INO80D: variants seen among roughly 807,000 people sequenced by gnomAD.
INO80D encodes INO80 complex subunit D.
In INO80D, 21 loss-of-function variants were observed where a neutral mutation model predicts 87.6. The ratio of observed to expected loss-of-function variants is 0.24; its 90% CI spans 0.17 to 0.35. The LOEUF is 0.35. INO80D is among the 10% of genes least tolerant of loss of function. The pLI, the probability that INO80D is intolerant of heterozygous loss-of-function variation, is 1.00. For missense variants in INO80D, 982 were observed against 1,280.7 expected (o/e 0.77, Z 3.56); for synonymous variants, 440 against 491.0 (o/e 0.90, Z 1.37).
At position 205,997,225 on chromosome 2, in the gene INO80D, A is replaced by C. The variant is rs1687824622; in HGVS notation, c.*7143T>G. ...ATAGCAAAATAACAACTTAAAACTCAAAATAAAGGGATGTATTTTTTTTTA... is the reference window on the plus strand; with the variant it reads ...ATAGCAAAATAACAACTTAAAACTCCAAATAAAGGGATGTATTTTTTTTTA... On this transcript the variant is annotated 3_prime_UTR_variant, in exon 11 of 11. Transcript: ENST00000403263. 6.6e-6 allele frequency: 1 copy of C among 152,118 alleles called. No homozygotes were observed. Among genetic ancestry groups the C allele is most frequent in the African/African-American group, 2.4e-5 (1 of 41,450 alleles). 9.4% of individuals were successfully genotyped at this position (152,118 alleles called of 1,614,324 possible).
chr2:206,083,860 CAA>C (rs35840816), intron 1 of INO80D, among the ~76,000 whole-genome samples: 38 of 99,552 alleles, frequency 3.8e-4, no homozygotes, highest in Non-Finnish European at 4.8e-4. Flanking sequence ...CTAAGCTCAC[CAA>C]AAAAAAAAAA....
chr2:206,027,566 T>C (rs1284899029), intron 6 of INO80D, among the ~76,000 whole-genome samples: 1 of 152,068 alleles, frequency 6.6e-6, no homozygotes, highest in Non-Finnish European at 1.5e-5. Context: ...TAGCTGGGTA[T>C]GGTTTCACAT....
At chr2:206,031,263 G>T (rs367820692) in intron 5 of INO80D, among the ~76,000 whole-genome samples, 10 of 117,600 alleles carry the variant, frequency 8.5e-5, no homozygotes, top group African/African-American at 3.2e-4. Flanking sequence ...CGAAAAAAAA[G>T]AAAAAAAAAA....
chr2:206,003,617 C>A lies in INO80D; in HGVS notation c.*751G>T. The A allele has an allele frequency of 6.6e-6, 1 of 152,378 alleles. No individual in the cohort carries two copies. The allele number at this position is 152,378 out of a possible 1,614,324, so 9.4% of individuals were successfully genotyped here. A position where few individuals can be genotyped will look rare whatever the true frequency, so the allele number is the denominator to read the frequency against. On this transcript the variant is annotated 3_prime_UTR_variant, in exon 11 of 11. Coordinates refer to ENST00000403263, the MANE Select transcript of INO80D (RefSeq NM_017759.5). Reference sequence around the variant, plus strand: ...GCTACTCACACGACCAGTCCACCACCCTCCCTATTCAGGAAACTTGAGGAA... The same window carrying A: ...GCTACTCACACGACCAGTCCACCACACTCCCTATTCAGGAAACTTGAGGAA...
intron 5 of INO80D, among the ~76,000 whole-genome samples, chr2:206,030,743 G>T (rs1050513777): frequency 6.6e-6 from 1 of 152,148 alleles, no homozygotes; most frequent in Non-Finnish European, 1.5e-5. Context: ...CAGAAGACTT[G>T]TAATTTTTTA....
At chr2:206,076,051 C>CA (rs11288087) in intron 1 of INO80D, among the ~76,000 whole-genome samples, 1,591 of 106,126 alleles carry the variant, frequency 0.015, 15 homozygotes, top group Middle Eastern at 0.051. Flanking sequence ...GACTCCCTCT[C>CA]AAAAAAAAAA....
rs764523407 is a variant in INO80D, at chr2:206,056,285, G to C, written c.877C>G (p.His293Asp). The change falls in exon 4 of 11, where the codon CAC becomes GAC. Residue 293 changes from histidine (H) to aspartate (D), a missense_variant. By Grantham distance (81) the His-to-Asp change is moderately conservative (BLOSUM62 -1). Transcript: ENST00000403263. Reference sequence around the variant, plus strand: ...TGCAGTCGGCTTATACATGAGAAGTGTGGAGAGAAGGCTGTGGCTTTCATG... The same window carrying C: ...TGCAGTCGGCTTATACATGAGAAGTCTGGAGAGAAGGCTGTGGCTTTCATG... Reference protein sequence around the residue: ...ILMKATAFSPHFSCISRLQRL... With the variant: ...ILMKATAFSPDFSCISRLQRL... 6.2e-7 allele frequency: 1 copy of C among 1,613,888 alleles called. No individual in the cohort carries two copies. The highest frequency in any genetic ancestry group is 1.3e-5 in the African/African-American group (1 of 74,944).
At chr2:206,056,112 G>T in intron 4 of INO80D, 86 bp downstream of exon 4, 1 of 1,322,512 alleles carries the variant, frequency 7.6e-7, no homozygotes, top group Non-Finnish European at 1.0e-6. Context: ...CATCACATAT[G>T]GGGTAATTAT....
chr2:206,008,069 C>T (rs944832832), intron 9 of INO80D: 1 of 152,586 alleles, frequency 6.6e-6, no homozygotes, highest in African/African-American at 2.4e-5. Flanking sequence ...GCAACCTCCA[C>T]CTCCTGAGTT....
chr2:206,031,841 G>A (rs1282010378), intron 5 of INO80D, among the ~76,000 whole-genome samples: 8 of 152,204 alleles, frequency 5.3e-5, no homozygotes, highest in Non-Finnish European at 1.0e-4. Flanking sequence ...GCAGGATCCG[G>A]AGACACTCCA....
intron 1 of INO80D, among the ~76,000 whole-genome samples, chr2:206,076,114 G>A (rs144275400): frequency 1.1e-3 from 167 of 148,240 alleles, no homozygotes; most frequent in African/African-American, 4.0e-3. Flanking sequence ...AATACCAGAA[G>A]GTTGGGAGGC....
intron 5 of INO80D, among the ~76,000 whole-genome samples, chr2:206,045,015 A>C (rs1394061643): frequency 6.6e-6 from 1 of 152,214 alleles, no homozygotes; most frequent in African/African-American, 2.4e-5. Flanking sequence ...TAAGAAAAAA[A>C]GGTATAACAT....
At chr2:206,033,758 T>C (rs751819296) in intron 5 of INO80D, among the ~76,000 whole-genome samples, 3 of 151,818 alleles carry the variant, frequency 2.0e-5, no homozygotes, top group Non-Finnish European at 4.4e-5. Context: ...CTAAATGAAA[T>C]TGAAACAAAC....
intron 1 of INO80D, among the ~76,000 whole-genome samples, chr2:206,069,857 C>CT (rs923282353): frequency 1.3e-5 from 2 of 151,960 alleles, no homozygotes; most frequent in Non-Finnish European, 2.9e-5. Context: ...CAAAATGATG[C>CT]TTTTTTTTAA....
At chr2:206,026,841 G>C (rs917575329) in intron 6 of INO80D, among the ~76,000 whole-genome samples, 1 of 151,796 alleles carries the variant, frequency 6.6e-6, no homozygotes, top group Non-Finnish European at 1.5e-5. Context: ...CTACATTTCT[G>C]ATATACAGAT....
chr2:206,062,969 G>T lies in INO80D; in HGVS notation c.48C>A (p.Pro16=), dbSNP rs749141170. ...HIHFSEVDNK[P]LCSYSPKLCK... ...ACAGTTTGGGGCTATATGAGCACAA[G>T]GGCTTATTGTCAACCTCAGAGAAGT... The change falls in exon 3 of 11, where the codon CCC becomes CCA. Residue 16 remains proline, a synonymous_variant. Coordinates refer to ENST00000403263, the MANE Select transcript of INO80D (RefSeq NM_017759.5). This position sits in a 1 kb window ranked among gnomAD's most constrained non-coding sequence, Gnocchi z 4.6. 1 of 1,612,906 alleles carries T rather than the reference G, an allele frequency of 6.2e-7. No individual in the cohort carries two copies. Among genetic ancestry groups the T allele is most frequent in the African/African-American group, 1.3e-5 (1 of 74,822 alleles).
intron 6 of INO80D, 51 bp from the exon 7 acceptor site, chr2:206,019,896 C>T (rs1027239490): frequency 7.0e-7 from 1 of 1,423,298 alleles, no homozygotes; most frequent in Non-Finnish European, 9.8e-7. Context: ...TTTAAGAATC[C>T]AGGGTAATTT....
chr2:206,034,099 G>A (rs1688833998), intron 5 of INO80D, among the ~76,000 whole-genome samples: 1 of 152,148 alleles, frequency 6.6e-6, no homozygotes, highest in Middle Eastern at 3.4e-3. Flanking sequence ...GATTGAAATG[G>A]TAATTTAAAA....
At chr2:206,074,271 C>T (rs77368156) in intron 1 of INO80D, among the ~76,000 whole-genome samples, 8,039 of 152,224 alleles carry the variant, frequency 0.053, 264 homozygotes, top group African/African-American at 0.086. Flanking sequence ...GTCTCACTTG[C>T]TGTAGAAAAA....
Sources: gnomAD v4.1 joint callset for allele counts (sites outside exome capture counted in the v4.1 genomes callset) on GRCh38, gnomAD v4.1.1 for gene constraint, Gnocchi (gnomAD v3.1) non-coding constraint, MANE v1.5 for transcripts, NCBI Gene and HGNC (gene_info 2026-07-23, HGNC 2026-07-21) for gene names.